The following NBEA variants were observed in gnomAD, a reference collection of about 807,000 sequenced individuals.
NBEA encodes the protein neurobeachin.
A neutral mutation model predicts 343.4 loss-of-function variants in NBEA; 44 were observed. That is an observed-to-expected ratio of 0.13 (90% CI 0.10 to 0.16). The LOEUF (loss-of-function observed/expected upper bound fraction) is 0.16. NBEA is among the 10% of genes least tolerant of loss of function. NBEA has a pLI of 1.00. For missense variants in NBEA, 2,555 were observed against 3,631.3 expected (o/e 0.70, Z 7.62); for synonymous variants, 1,175 against 1,238.7 (o/e 0.95, Z 1.08).
chr13:35,411,272 G>T (rs2043565923), intron 38 of NBEA, among the ~76,000 whole-genome samples: 1 of 152,166 alleles, frequency 6.6e-6, no homozygotes, highest in Admixed American at 6.6e-5. Flanking sequence ...CCAGTGGAAA[G>T]TTTGCTTAAC....
chr13:35,323,886 C>G (rs2038356684), intron 36 of NBEA, among the ~76,000 whole-genome samples: 1 of 151,984 alleles, frequency 6.6e-6, no homozygotes. Context: ...CATTTCTATG[C>G]CATATTTTTC....
intron 1 of NBEA, among the ~76,000 whole-genome samples, chr13:35,002,982 A>G (rs1803675527): frequency 6.6e-6 from 1 of 152,188 alleles, no homozygotes; most frequent in African/African-American, 2.4e-5. Context: ...GCCAACAAAT[A>G]AAACCTCAGT....
chr13:35,548,046 A>G (rs2153010868), intron 41 of NBEA, among the ~76,000 whole-genome samples: 1 of 152,298 alleles, frequency 6.6e-6, no homozygotes, highest in Admixed American at 6.5e-5. Context: ...GTGCTGGAGA[A>G]CAGGCGCCTG....
chr13:35,383,838 G>T (rs935639855), intron 38 of NBEA, among the ~76,000 whole-genome samples: 3 of 152,002 alleles, frequency 2.0e-5, no homozygotes, highest in Non-Finnish European at 2.9e-5. Flanking sequence ...ACAAGGAAAA[G>T]AATTTCAGGA....
chr13:35,275,162 T>C (rs1418417292), intron 34 of NBEA, among the ~76,000 whole-genome samples: 3 of 152,188 alleles, frequency 2.0e-5, no homozygotes, highest in South Asian at 2.1e-4. Flanking sequence ...AACAGACATA[T>C]AGACCAAAGG....
intron 8 of NBEA, among the ~76,000 whole-genome samples, chr13:35,062,532 G>C (rs1431505382): frequency 6.6e-6 from 1 of 151,786 alleles, no homozygotes; most frequent in Non-Finnish European, 1.5e-5. Context: ...GAGAACCAAA[G>C]TAGGCACATT....
chr13:35,617,657 C>T (rs1178751567), intron 48 of NBEA, among the ~76,000 whole-genome samples: 1 of 152,164 alleles, frequency 6.6e-6, no homozygotes, highest in Non-Finnish European at 1.5e-5. Context: ...TGCAGCTGCT[C>T]GTCTCTCAGT....
intron 39 of NBEA, among the ~76,000 whole-genome samples, chr13:35,434,283 A>G (rs1485812352): frequency 2.0e-5 from 3 of 152,180 alleles, no homozygotes; most frequent in Admixed American, 1.3e-4. Flanking sequence ...AAAGTAAAAA[A>G]TAATACCGTA....
At chr13:35,664,739 A>T (rs17831807) in intron 55 of NBEA, among the ~76,000 whole-genome samples, 9,457 of 152,328 alleles carry the variant, frequency 0.062, 315 homozygotes, top group South Asian at 0.1. Flanking sequence ...ATAGAGCATG[A>T]CCATAAATAC....
chr13:35,361,323 C>T (rs752056519), intron 38 of NBEA, among the ~76,000 whole-genome samples: 5 of 152,120 alleles, frequency 3.3e-5, no homozygotes, highest in Middle Eastern at 3.4e-3. Context: ...AAATTCCAGA[C>T]GACCTCTTTC....
chr13:35,609,256 T>G (rs1212648320), intron 48 of NBEA, among the ~76,000 whole-genome samples: 1 of 152,232 alleles, frequency 6.6e-6, no homozygotes, highest in Non-Finnish European at 1.5e-5. Flanking sequence ...CATGCAGTAA[T>G]GCAGACTGGA....
chr13:35,108,401 T>C (rs1450651304), intron 11 of NBEA, among the ~76,000 whole-genome samples: 1 of 152,006 alleles, frequency 6.6e-6, no homozygotes, highest in Non-Finnish European at 1.5e-5. Context: ...AGTATAGCAT[T>C]GTCCAATTAA....
chr13:35,476,793 C>T (rs1055783497), intron 41 of NBEA: 5 of 1,029,358 alleles, frequency 4.9e-6, no homozygotes, highest in Admixed American at 5.1e-5. Context: ...AGCTCCAACC[C>T]GGCTAATTAA....
At chr13:35,107,846 G>A (rs1055224253) in intron 11 of NBEA, among the ~76,000 whole-genome samples, 41 of 152,038 alleles carry the variant, frequency 2.7e-4, no homozygotes, top group African/African-American at 8.0e-4. Context: ...GGAAGCAAAC[G>A]TGTCCTGTGG....
chr13:35,556,225 C>A (rs932047574), intron 44 of NBEA, among the ~76,000 whole-genome samples: 5 of 151,836 alleles, frequency 3.3e-5, no homozygotes, highest in African/African-American at 1.2e-4. Context: ...ATTTAATTAG[C>A]ACATTATTTA....
intron 38 of NBEA, among the ~76,000 whole-genome samples, chr13:35,391,089 A>G (rs952697829): frequency 1.3e-5 from 2 of 152,114 alleles, no homozygotes; most frequent in African/African-American, 4.8e-5. Context: ...AGCCTGGCCA[A>G]CATGGTGAAA....
At chr13:35,071,462 A>G (rs1458485817) in intron 10 of NBEA, among the ~76,000 whole-genome samples, 1 of 151,632 alleles carries the variant, frequency 6.6e-6, no homozygotes, top group Non-Finnish European at 1.5e-5. Flanking sequence ...CTCTTTTATT[A>G]AAAAAAACCT....
chr13:35,519,907 A>T (rs2077629510), intron 41 of NBEA, among the ~76,000 whole-genome samples: 1 of 151,968 alleles, frequency 6.6e-6, no homozygotes, highest in African/African-American at 2.4e-5. Flanking sequence ...CATTAACCAA[A>T]CTCTCTTTAT....
intron 1 of NBEA, among the ~76,000 whole-genome samples, chr13:34,991,509 A>G (rs1420919219): frequency 6.6e-6 from 1 of 152,176 alleles, no homozygotes; most frequent in Non-Finnish European, 1.5e-5. Context: ...GAACTCACCC[A>G]TTATCACAAG....
Sources: allele counts gnomAD v4.1 joint callset (sites outside exome capture counted in the v4.1 genomes callset), GRCh38; gene constraint gnomAD v4.1.1; transcripts MANE v1.5; gene names NCBI Gene and HGNC (gene_info 2026-07-23, HGNC 2026-07-21).